The following PDILT variants were observed in gnomAD, a reference collection of about 807,000 sequenced individuals.
The protein encoded by PDILT is protein disulfide-isomerase-like protein of the testis.
PDILT carries 43 observed loss-of-function variants against 53.7 expected under a neutral mutation model. The observed-to-expected ratio is 0.80, with a 90% CI of 0.63 to 1.03. PDILT has a LOEUF of 1.03. Ranked by LOEUF, PDILT falls within the 50% of genes least tolerant of loss-of-function variation. The pLI is 0.00. For synonymous variants in PDILT, 282 were observed against 274.2 expected (o/e 1.03, Z -0.28); for missense variants, 727 against 712.3 (o/e 1.02, Z -0.24).
intron 1 of PDILT, among the ~76,000 whole-genome samples, chr16:20,404,075 A>T (rs1205254954): frequency 1.3e-5 from 2 of 152,092 alleles, no homozygotes; most frequent in Non-Finnish European, 2.9e-5. Context: ...TGAACTTTTT[A>T]ATGTAAATAC....
chr16:20,372,959 GC>G, intron 6 of PDILT, 32 bp from the exon 7 acceptor site: 1 of 1,613,694 alleles, frequency 6.2e-7, no homozygotes, highest in East Asian at 2.2e-5. Flanking sequence ...GTCATCCCAA[GC>G]ACACACAGTG....
chr16:20,372,679 A>C, intron 7 of PDILT, 123 bp downstream of exon 7: 1 of 1,171,070 alleles, frequency 8.5e-7, no homozygotes, highest in Non-Finnish European at 1.2e-6. Context: ...CTGACAGGCA[A>C]TTGCAAGTGC....
chr16:20,364,420 TTGTCTTGCTACTTAC>T lies in PDILT; in HGVS notation c.1237+985_1237+999del, dbSNP rs112659401. 8.1e-3 allele frequency among the ~76,000 whole-genome samples: 1,232 copies of T among 152,306 alleles called. 14 individuals carry two copies. Among genetic ancestry groups the T allele is most frequent in the African/African-American group, 0.027 (1,136 of 41,552 alleles). On this transcript the variant is annotated intron_variant, in intron 9 of 11. Transcript: ENST00000302451. The stretch of plus-strand genomic sequence containing the variant: ...AGCACTAGAGCTTGTGTTAAACTTC[TTGTCTTGCTACTTAC>T]TGTGTGACCTAGGGTAAGATCATTA...
intron 8 of PDILT, among the ~76,000 whole-genome samples, chr16:20,367,131 C>G (rs781458915): frequency 6.9e-6 from 1 of 144,716 alleles, no homozygotes; most frequent in Non-Finnish European, 1.5e-5. Flanking sequence ...GAGACAGAGT[C>G]TCGCTCTGTC....
intron 3 of PDILT, among the ~76,000 whole-genome samples, chr16:20,383,838 T>C (rs572658534): frequency 6.6e-6 from 1 of 152,200 alleles, no homozygotes; most frequent in Non-Finnish European, 1.5e-5. Flanking sequence ...CCTGCATCCA[T>C]GAATGCCTTC....
chr16:20,373,335 C>G (rs1966335096), intron 5 of PDILT, among the ~76,000 whole-genome samples: 1 of 152,142 alleles, frequency 6.6e-6, no homozygotes, highest in South Asian at 2.1e-4. Context: ...ATGAAAATCT[C>G]AGATCTACGG....
intron 8 of PDILT, among the ~76,000 whole-genome samples, chr16:20,368,602 G>T (rs56167599): frequency 3.0e-4 from 33 of 110,034 alleles, no homozygotes; most frequent in African/African-American, 9.7e-4. Flanking sequence ...GACTTTTTTT[G>T]GGGGGGTGGT....
At chr16:20,368,222 C>T (rs1966244147) in intron 8 of PDILT, among the ~76,000 whole-genome samples, 1 of 152,100 alleles carries the variant, frequency 6.6e-6, no homozygotes, top group Non-Finnish European at 1.5e-5. Context: ...TAGACACTGA[C>T]ATCTCTGGAA....
At position 20,365,411 on chromosome 16, in the gene PDILT, G is replaced by A; in HGVS notation, c.1237+9C>T. On this transcript the variant is annotated intron_variant, in intron 9 of 11. Transcript: ENST00000302451. Reference sequence around the variant, plus strand: ...CCGTTGCCTCAGAACCCCTCTTGGAGATACTTACAGAACATCACAAATACG... The same window carrying A: ...CCGTTGCCTCAGAACCCCTCTTGGAAATACTTACAGAACATCACAAATACG... 6.2e-7 allele frequency: 1 copy of A among 1,613,530 alleles called. No homozygotes were observed. Among genetic ancestry groups the A allele is most frequent in the Non-Finnish European group, 8.5e-7 (1 of 1,179,494 alleles).
intron 9 of PDILT, among the ~76,000 whole-genome samples, chr16:20,363,987 A>G (rs977828748): frequency 2.0e-5 from 3 of 152,152 alleles, no homozygotes; most frequent in African/African-American, 7.2e-5. Flanking sequence ...AAGCCCCCAG[A>G]CACACCACTT....
chr16:20,383,294 T>C (rs1966486091), intron 3 of PDILT, among the ~76,000 whole-genome samples: 1 of 152,192 alleles, frequency 6.6e-6, no homozygotes. Flanking sequence ...TCCGATGACC[T>C]AGGGCCTCTC....
chr16:20,395,345 T>A (rs1870111524), intron 2 of PDILT, among the ~76,000 whole-genome samples: 1 of 152,222 alleles, frequency 6.6e-6, no homozygotes, highest in Non-Finnish European at 1.5e-5. Flanking sequence ...TTGATTTTTT[T>A]AAAGGGACAT....
rs751554272 is a variant in PDILT at position 20,359,381 on chromosome 16, C to A, written c.1693G>T (p.Val565Leu). The change falls in exon 12 of 12, where the codon GTG becomes TTG. Residue 565 changes from valine to leucine, a missense_variant. Coordinates refer to ENST00000302451, the MANE Select transcript of PDILT (RefSeq NM_174924.2). ...ACTGGAGGTCCCTTTGGCTTAGCCA[C>A]CACCACCACCACCTCCTCAGATGTT... The part of the protein sequence containing the change: ...KKTSEEVVVV[V>L]AKPKGPPVQK... 1.2e-6 allele frequency: 2 copies of A among 1,614,178 alleles called. No individual in the cohort carries two copies. Among genetic ancestry groups the A allele is most frequent in the East Asian group, 4.5e-5 (2 of 44,884 alleles).
intron 2 of PDILT, chr16:20,385,969 G>A (rs866694039): frequency 7.2e-5 from 11 of 152,168 alleles, no homozygotes; most frequent in Admixed American, 6.5e-5. Context: ...GCCAAATTGA[G>A]CCCCTGCAGT....
intron 1 of PDILT, among the ~76,000 whole-genome samples, chr16:20,404,020 T>C (rs192804915): frequency 2.0e-5 from 3 of 152,328 alleles, no homozygotes; most frequent in Admixed American, 2.0e-4. Flanking sequence ...TTGCATCATA[T>C]TTTGTATTAT....
chr16:20,400,850 C>G (rs1966731337), intron 1 of PDILT, among the ~76,000 whole-genome samples: 1 of 152,160 alleles, frequency 6.6e-6, no homozygotes, highest in Non-Finnish European at 1.5e-5. Context: ...AACCACAATA[C>G]TATGATCATA....
At chr16:20,375,954 A>T (rs185721548) in intron 4 of PDILT, 114 bp downstream of exon 4, 1 of 1,349,018 alleles carries the variant, frequency 7.4e-7, no homozygotes. Flanking sequence ...AAACCAGATC[A>T]TTGGATGGAG....
At position 20,369,565 on chromosome 16, in the gene PDILT, T is replaced by C. The variant is rs375690596; in HGVS notation, c.1043A>G (p.Lys348Arg). 8.0e-5 allele frequency: 129 copies of C among 1,614,104 alleles called. No individual in the cohort carries two copies. Among genetic ancestry groups the C allele is most frequent in the Non-Finnish European group, 1.1e-4 (127 of 1,180,050 alleles). Reference sequence around the variant, plus strand: ...GTAGGTTATGTCATCTGAAGGCATTTTGTACCTGGCGTCAGAGCTCAAGTT... The same window carrying C: ...GTAGGTTATGTCATCTGAAGGCATTCTGTACCTGGCGTCAGAGCTCAAGTT... ...ILNLSSDARY[K>R]MPSDDITYES... The change falls in exon 8 of 12, where the codon AAA becomes AGA. Residue 348 changes from lysine to arginine, a missense_variant. Physicochemically the swap from Lys to Arg is conservative, Grantham distance 26. Coordinates refer to ENST00000302451, the MANE Select transcript of PDILT (RefSeq NM_174924.2).
At chr16:20,369,758 G>A in intron 7 of PDILT, 69 bp from the exon 8 acceptor site, 1 of 1,485,280 alleles carries the variant, frequency 6.7e-7, no homozygotes. Flanking sequence ...CTGAAAGGCT[G>A]TGGACTAAGG....
Sources: allele counts gnomAD v4.1 joint callset (sites outside exome capture counted in the v4.1 genomes callset), GRCh38; gene constraint gnomAD v4.1.1; transcripts MANE v1.5; gene names NCBI Gene and HGNC (gene_info 2026-07-23, HGNC 2026-07-21).